The following DERA variants were observed in gnomAD, a reference collection of about 807,000 sequenced individuals.
The protein encoded by DERA is deoxyribose-phosphate aldolase.
Under a neutral mutation model 41.1 loss-of-function variants are expected in DERA, and 15 were observed. The observed-to-expected ratio is 0.37, with a 90% CI of 0.24 to 0.56. DERA has a LOEUF of 0.56. Among genes scored for constraint, DERA ranks in the 20% least tolerant of loss-of-function variants. The pLI, the probability that DERA is intolerant of heterozygous loss-of-function variation, is 0.81. For missense variants in DERA, 396 were observed against 403.4 expected, an observed-to-expected ratio of 0.98 and a Z score of 0.16; for synonymous variants, 139 against 137.4, an observed-to-expected ratio of 1.01 and a Z score of -0.08.
rs747290043 is a variant in DERA, at chr12:15,931,133, G to A, written c.31+19719G>A. 1.3e-5 allele frequency among the ~76,000 whole-genome samples: 2 copies of A among 152,072 alleles called. No homozygotes were observed. Among genetic ancestry groups the A allele is most frequent in the Non-Finnish European group, 2.9e-5 (2 of 68,014 alleles). The stretch of plus-strand genomic sequence containing the variant: ...TATTTTCACAGGATTTATTGTTTGC[G>A]GATCTGTTTTAGCATGCAAGTATTC... On this transcript the variant is annotated intron_variant, in intron 1 of 8. Transcript: ENST00000428559. This position sits in a 1 kb window ranked among gnomAD's most constrained non-coding sequence, Gnocchi z 4.6.
chr12:15,968,079 T>A (rs1948635536), intron 5 of DERA, among the ~76,000 whole-genome samples: 1 of 141,632 alleles, frequency 7.1e-6, no homozygotes. Context: ...GACTCTTTCT[T>A]CTTCTTCTTT....
At position 15,943,306 on chromosome 12, in the gene DERA, T is replaced by A. The variant is rs1254071615; in HGVS notation, c.32-13630T>A. 6.6e-6 allele frequency among the ~76,000 whole-genome samples: 1 copy of A among 152,206 alleles called. No individual in the cohort carries two copies. Among genetic ancestry groups the A allele is most frequent in the Non-Finnish European group, 1.5e-5 (1 of 68,028 alleles). Reference sequence around the variant, plus strand: ...AGTAGAAAAGCAATAGTCAGTTGATTGATGAGATTTTGACCCCCTCCACTG... The same window carrying A: ...AGTAGAAAAGCAATAGTCAGTTGATAGATGAGATTTTGACCCCCTCCACTG... On this transcript the variant is annotated intron_variant, in intron 1 of 8. Transcript: ENST00000428559. This position sits in a 1 kb window ranked among gnomAD's most constrained non-coding sequence, Gnocchi z 4.5.
chr12:15,936,926 C>CTGTCT lies in DERA; in HGVS notation c.32-20006_32-20005insTTGTC, dbSNP rs1948371104. On this transcript the variant is annotated intron_variant, in intron 1 of 8. Coordinates refer to ENST00000428559, the MANE Select transcript of DERA (RefSeq NM_015954.4). The surrounding 1 kb of genome is among the most constrained non-coding windows in gnomAD (Gnocchi z 4.6). The stretch of plus-strand genomic sequence containing the variant: ...CTGTCCTGTCCTGTCCTGTCCTGTC[C>CTGTCT]TGTCCTGTCTTGTCCTGTCCCGTCC... 7.3e-6 allele frequency among the ~76,000 whole-genome samples: 1 copy of CTGTCT among 137,780 alleles called. No individual in the cohort carries two copies. The highest frequency in any genetic ancestry group is 3.0e-5 in the African/African-American group (1 of 33,766). 90.4% of individuals were successfully genotyped at this position (137,780 alleles called of 152,430 possible).
intron 1 of DERA, among the ~76,000 whole-genome samples, chr12:15,946,156 C>T (rs1046892972): frequency 8.5e-5 from 13 of 152,084 alleles, no homozygotes; most frequent in African/African-American, 2.9e-4. Context: ...ATTTTTGCAT[C>T]GATGTTCATC....
rs969092749 is a variant in DERA at position 15,920,417 on chromosome 12, G to A, written c.31+9003G>A. 1.6e-4 allele frequency among the ~76,000 whole-genome samples: 25 copies of A among 152,166 alleles called. 1 individual carries two copies. Among genetic ancestry groups the A allele is most frequent in the Admixed American group, 1.4e-3 (21 of 15,282 alleles). On this transcript the variant is annotated intron_variant, in intron 1 of 8. Transcript: ENST00000428559. ...TGTCTATGCTGGTTTAGTCTAGCAC[G>A]TTGCGTTACCTTCTTTTCCACTAGT...
In DERA at chr12:16,010,407, C is replaced by G. The variant is rs897849017; in HGVS notation, c.638-22135C>G. On this transcript the variant is annotated intron_variant, in intron 6 of 8. Transcript: ENST00000428559. This position sits in a 1 kb window ranked among gnomAD's most constrained non-coding sequence, Gnocchi z 5.5. ...ATATCCCAGTGATATAAAACATGAT[C>G]TGGCAAAATTTGATGGTGACCTTTT... 1.3e-5 allele frequency among the ~76,000 whole-genome samples: 2 copies of G among 151,988 alleles called. No individual in the cohort carries two copies. The highest frequency in any genetic ancestry group is 6.6e-5 in the Admixed American group (1 of 15,214).
At chr12:15,917,032 G>A (rs1009867493) in intron 1 of DERA, among the ~76,000 whole-genome samples, 9 of 152,126 alleles carry the variant, frequency 5.9e-5, no homozygotes, top group African/African-American at 2.2e-4. Flanking sequence ...GTAGTTTCCT[G>A]AAAAATAGAA....
At chr12:15,975,361 T>G (rs1475387257) in intron 5 of DERA, among the ~76,000 whole-genome samples, 1 of 152,154 alleles carries the variant, frequency 6.6e-6, no homozygotes, top group African/African-American at 2.4e-5. Flanking sequence ...TGAGCCAGTT[T>G]ATCGATCTGG....
chr12:15,946,212 G>C (rs955277391), intron 1 of DERA, among the ~76,000 whole-genome samples: 3 of 152,166 alleles, frequency 2.0e-5, no homozygotes, highest in African/African-American at 4.8e-5. Context: ...GTCTCTGCTA[G>C]GCTTTGGTAT....
chr12:15,946,515 T>C (rs1377131091), intron 1 of DERA, among the ~76,000 whole-genome samples: 4 of 152,204 alleles, frequency 2.6e-5, no homozygotes, highest in South Asian at 2.1e-4. Flanking sequence ...TTTATTTGCA[T>C]AGAGGTGTTT....
rs545755165 is a variant in DERA at position 15,945,370 on chromosome 12, T to C, written c.32-11566T>C. Among the ~76,000 whole-genome samples the C allele has an allele frequency of 2.6e-4, 39 of 152,356 alleles. 1 individual carries two copies. Among genetic ancestry groups the C allele is most frequent in the Middle Eastern group, 3.4e-3 (1 of 294 alleles). On this transcript the variant is annotated intron_variant, in intron 1 of 8. Transcript: ENST00000428559. ...ATTCTTCCTATCCATGAGCATGGAA[T>C]GTTCTTCCATTTGTTTGTGTCCTCT...
chr12:16,032,767 A>C (rs1365688279), intron 7 of DERA, 113 bp downstream of exon 7: 1 of 697,540 alleles, frequency 1.4e-6, no homozygotes, highest in Non-Finnish European at 2.4e-6. Context: ...AATTACCTTT[A>C]TTAAGATAAA....
intron 1 of DERA, among the ~76,000 whole-genome samples, chr12:15,942,300 C>T (rs1403194791): frequency 4.6e-5 from 7 of 152,048 alleles, no homozygotes; most frequent in Non-Finnish European, 4.4e-5. Flanking sequence ...ATATTTACTC[C>T]CACTCTGTGG....
intron 6 of DERA, among the ~76,000 whole-genome samples, chr12:16,027,937 T>C (rs1199380065): frequency 1.3e-5 from 2 of 152,234 alleles, no homozygotes; most frequent in African/African-American, 4.8e-5. Context: ...CAGTGTACAA[T>C]TGGAATTTGA....
chr12:15,943,705 TTTTATTTATTTA>T lies in DERA; in HGVS notation c.32-13207_32-13196del, dbSNP rs369885387. On this transcript the variant is annotated intron_variant, in intron 1 of 8. Transcript: ENST00000428559. This position sits in a 1 kb window ranked among gnomAD's most constrained non-coding sequence, Gnocchi z 4.5. ...TGTTTCTTCTTTTTTATTTTTTAAT[TTTTATTTATTTA>T]TTTATTTATTTATTTATTTATTTTA... is the stretch of plus-strand genomic sequence containing the variant. Among the ~76,000 whole-genome samples the T allele has an allele frequency of 3.7e-3, 536 of 144,186 alleles. 2 individuals carry two copies. The highest frequency in any genetic ancestry group is 0.012 in the African/African-American group (471 of 39,370). The allele number at this position is 144,186 out of a possible 152,430, so 94.6% of individuals were successfully genotyped here.
At chr12:15,977,658 A>G (rs899109724) in intron 5 of DERA, among the ~76,000 whole-genome samples, 5 of 152,240 alleles carry the variant, frequency 3.3e-5, no homozygotes, top group African/African-American at 7.2e-5. Context: ...GGGTTTCACC[A>G]TGTTGGCCAG....
intron 1 of DERA, among the ~76,000 whole-genome samples, chr12:15,917,279 C>T (rs1175216749): frequency 6.6e-6 from 1 of 152,154 alleles, no homozygotes; most frequent in Non-Finnish European, 1.5e-5. Flanking sequence ...GACTCTAGCT[C>T]TTAGCTCAGG....
At chr12:16,033,383 T>C (rs1949105705) in intron 7 of DERA, among the ~76,000 whole-genome samples, 1 of 152,212 alleles carries the variant, frequency 6.6e-6, no homozygotes, top group South Asian at 2.1e-4. Flanking sequence ...ACTGTTAAGC[T>C]GAGGAGGGTG....
At chr12:15,987,436 C>T (rs1445373987) in intron 6 of DERA, among the ~76,000 whole-genome samples, 1 of 151,728 alleles carries the variant, frequency 6.6e-6, no homozygotes, top group African/African-American at 2.4e-5. Flanking sequence ...AGGGTTTCAC[C>T]ATATTGGCCG....
Sources: allele counts gnomAD v4.1 joint callset (sites outside exome capture counted in the v4.1 genomes callset), GRCh38; gene constraint gnomAD v4.1.1; non-coding constraint Gnocchi (gnomAD v3.1); transcripts MANE v1.5; gene names NCBI Gene and HGNC (gene_info 2026-07-23, HGNC 2026-07-21).